Variants in MACROD2 observed in about 807,000 individuals in gnomAD.
MACROD2 encodes mono-ADP ribosylhydrolase 2.
A neutral mutation model predicts 70.4 loss-of-function variants in MACROD2; 36 were observed. The ratio of observed to expected loss-of-function variants is 0.51; its 90% CI spans 0.39 to 0.68. The LOEUF (loss-of-function observed/expected upper bound fraction) is 0.68. Ranked by LOEUF, MACROD2 falls within the 30% of genes least tolerant of loss-of-function variation. The pLI is 0.00. For synonymous variants in MACROD2, 172 were observed against 178.8 expected, an observed-to-expected ratio of 0.96 and a Z score of 0.30; for missense variants, 496 against 538.4, an observed-to-expected ratio of 0.92 and a Z score of 0.78.
intron 15 of MACROD2, among the ~76,000 whole-genome samples, chr20:16,017,262 G>A (rs935656228): frequency 1.3e-5 from 2 of 152,140 alleles, no homozygotes. Flanking sequence ...TCCCTGAAAT[G>A]CCAACCTCCA....
In MACROD2 at chr20:14,077,965, C is replaced by T. The variant is rs147504795; in HGVS notation, c.164-7656C>T. On this transcript the variant is annotated intron_variant, in intron 2 of 17. Coordinates refer to ENST00000684519, the MANE Select transcript of MACROD2 (RefSeq NM_001351661.2). ...TTTCCCAGGCTAGAGTGCAATGGTG[C>T]GATCTCGGCTCACTGCAACCTCTGC... 4.0e-5 allele frequency among the ~76,000 whole-genome samples: 6 copies of T among 149,118 alleles called. No individual in the cohort carries two copies. The East Asian group carries it at 7.9e-4, about 20-fold the overall frequency.
chr20:14,392,540 T>C (rs943205556), intron 3 of MACROD2, among the ~76,000 whole-genome samples: 4 of 152,226 alleles, frequency 2.6e-5, no homozygotes, highest in African/African-American at 9.6e-5. Flanking sequence ...TTTCAAAATA[T>C]ATAAATTAAG....
intron 9 of MACROD2, among the ~76,000 whole-genome samples, chr20:15,864,224 T>C (rs2147167081): frequency 6.6e-6 from 1 of 152,330 alleles, no homozygotes; most frequent in African/African-American, 2.4e-5. Context: ...TCTGATGACT[T>C]TTATTGTTTC....
At chr20:14,087,932 T>TTA (rs1183528496) in intron 3 of MACROD2, among the ~76,000 whole-genome samples, 3 of 152,122 alleles carry the variant, frequency 2.0e-5, no homozygotes, top group South Asian at 4.1e-4. Context: ...ATATAATCTT[T>TTA]TATATATATA....
At chr20:15,664,768 G>A (rs1306085720) in intron 8 of MACROD2, among the ~76,000 whole-genome samples, 1 of 152,124 alleles carries the variant, frequency 6.6e-6, no homozygotes, top group Non-Finnish European at 1.5e-5. Context: ...TGCAGACCCA[G>A]CCTCTGCTTG....
At chr20:15,273,186 CAATCT>C (rs1346806272) in intron 6 of MACROD2, among the ~76,000 whole-genome samples, 1 of 152,048 alleles carries the variant, frequency 6.6e-6, no homozygotes, top group African/African-American at 2.4e-5. Context: ...CTGATGGGCA[CAATCT>C]AATCAGCTGC....
intron 5 of MACROD2, among the ~76,000 whole-genome samples, chr20:15,157,930 G>A (rs1162111172): frequency 6.6e-6 from 1 of 152,152 alleles, no homozygotes; most frequent in East Asian, 1.9e-4. Flanking sequence ...CCATTGCTGT[G>A]AACCTCAGGG....
intron 8 of MACROD2, among the ~76,000 whole-genome samples, chr20:15,650,659 G>A (rs2049628994): frequency 6.6e-6 from 1 of 152,042 alleles, no homozygotes; most frequent in East Asian, 1.9e-4. Context: ...TCACAGTGTT[G>A]TCTAAAGACT....
chr20:15,126,337 A>G (rs1455280156), intron 5 of MACROD2, among the ~76,000 whole-genome samples: 6 of 151,950 alleles, frequency 3.9e-5, no homozygotes, highest in Non-Finnish European at 7.4e-5. Context: ...ATTTGCCCGC[A>G]TGGTTGCCAA....
At chr20:15,698,639 G>C (rs1340269037) in intron 8 of MACROD2, among the ~76,000 whole-genome samples, 2 of 152,128 alleles carry the variant, frequency 1.3e-5, no homozygotes, top group Non-Finnish European at 2.9e-5. Flanking sequence ...GGCCAGAGAA[G>C]TTTTCTTCAA....
chr20:14,910,239 T>C (rs2074010354), intron 5 of MACROD2, among the ~76,000 whole-genome samples: 2 of 152,188 alleles, frequency 1.3e-5, no homozygotes, highest in Non-Finnish European at 2.9e-5. Context: ...TAAAAGAATG[T>C]TGGCTATGCA....
chr20:15,696,330 A>T (rs1213898001), intron 8 of MACROD2, among the ~76,000 whole-genome samples: 2 of 152,144 alleles, frequency 1.3e-5, no homozygotes, highest in Non-Finnish European at 2.9e-5. Context: ...AATTCTGTTT[A>T]TGTGGTGTAT....
intron 8 of MACROD2, among the ~76,000 whole-genome samples, chr20:15,571,941 A>C (rs895912625): frequency 2.0e-5 from 3 of 152,104 alleles, no homozygotes; most frequent in African/African-American, 7.2e-5. Flanking sequence ...TTTTGACCAC[A>C]GTTTTTTTCC....
Position 15,897,367 on chromosome 20 carries a change from A to T in MACROD2, c.775+11556A>T, listed in dbSNP as rs192299601. 1.9e-4 allele frequency among the ~76,000 whole-genome samples: 29 copies of T among 152,180 alleles called. No homozygotes were observed. In the East Asian group the frequency reaches 3.9e-3, roughly 20 times the overall value. On this transcript the variant is annotated intron_variant, in intron 10 of 17. Transcript: ENST00000684519. ...TTTTGTGTTCCATAGTATCACTATG[A>T]TGTGCCTAGGTATAGATTCATTTTT...
chr20:15,350,818 A>G (rs931995919), intron 6 of MACROD2, among the ~76,000 whole-genome samples: 1 of 152,182 alleles, frequency 6.6e-6, no homozygotes, highest in African/African-American at 2.4e-5. Flanking sequence ...ATTAATGTGT[A>G]TAATAGTTGA....
chr20:15,977,025 C>CTTTATTCCCATTCCAGGGTT (rs2066316477), intron 13 of MACROD2, among the ~76,000 whole-genome samples: 1 of 152,134 alleles, frequency 6.6e-6, no homozygotes, highest in Non-Finnish European at 1.5e-5. Flanking sequence ...TGATTGAATT[C>CTTTATTCCCATTCCAGGGTT]CTCTGAAAAT....
intron 4 of MACROD2, among the ~76,000 whole-genome samples, chr20:14,605,325 TC>T (rs1982734505): frequency 6.6e-6 from 1 of 152,082 alleles, no homozygotes; most frequent in African/African-American, 2.4e-5. Flanking sequence ...CCTGAGGAGT[TC>T]CTTTGGCTCG....
intron 3 of MACROD2, among the ~76,000 whole-genome samples, chr20:14,349,687 T>G (rs1012998567): frequency 6.6e-6 from 1 of 150,466 alleles, no homozygotes; most frequent in Admixed American, 6.6e-5. Context: ...TCGTTTTGAT[T>G]TTGAAATTCC....
At chr20:16,029,532 G>A (rs956206572) in intron 15 of MACROD2, among the ~76,000 whole-genome samples, 3 of 152,240 alleles carry the variant, frequency 2.0e-5, no homozygotes, top group African/African-American at 4.8e-5. Flanking sequence ...GTAATTAAAC[G>A]AAAGAAAGGG....
Sources: allele counts gnomAD v4.1 joint callset (sites outside exome capture counted in the v4.1 genomes callset), GRCh38; gene constraint gnomAD v4.1.1; transcripts MANE v1.5; gene names NCBI Gene and HGNC (gene_info 2026-07-23, HGNC 2026-07-21).